AKT3: variants seen among roughly 807,000 people sequenced by gnomAD.
AKT3 encodes the protein RAC-gamma serine/threonine-protein kinase.
AKT3 carries 15 observed loss-of-function variants against 65.3 expected under a neutral mutation model. The ratio of observed to expected loss-of-function variants is 0.23; its 90% CI spans 0.15 to 0.35. AKT3 has a LOEUF of 0.35. Among genes scored for constraint, AKT3 ranks in the 10% least tolerant of loss-of-function variants. The probability of loss-of-function intolerance (pLI) is 1.00; values close to 1 mark genes in which losing one functional copy is unlikely to be tolerated. For missense variants in AKT3, 243 were observed against 576.5 expected, an observed-to-expected ratio of 0.42 and a Z score of 5.92; for synonymous variants, 206 against 183.8, an observed-to-expected ratio of 1.12 and a Z score of -0.98.
At chr1:243,564,068 G>C (rs534143677) in intron 9 of AKT3, among the ~76,000 whole-genome samples, 2 of 152,198 alleles carry the variant, frequency 1.3e-5, no homozygotes, top group East Asian at 3.9e-4. Flanking sequence ...TTTTTAAACC[G>C]ATGGGAATAA....
chr1:243,621,258 C>T (rs1399175122), intron 6 of AKT3, among the ~76,000 whole-genome samples: 1 of 152,174 alleles, frequency 6.6e-6, no homozygotes, highest in Admixed American at 6.5e-5. Context: ...CTCGTTCACA[C>T]TTTCAAAATG....
intron 2 of AKT3, among the ~76,000 whole-genome samples, chr1:243,709,205 T>C (rs1460160737): frequency 6.7e-6 from 1 of 148,820 alleles, no homozygotes; most frequent in Non-Finnish European, 1.5e-5. Context: ...GAGTTTTACA[T>C]ACAAGTTAAT....
chr1:243,825,350 A>C (rs894051571), intron 2 of AKT3, among the ~76,000 whole-genome samples: 1 of 152,224 alleles, frequency 6.6e-6, no homozygotes, highest in Non-Finnish European at 1.5e-5. Context: ...ACCATGGCAC[A>C]CGTTTACCTA....
intron 2 of AKT3, among the ~76,000 whole-genome samples, chr1:243,812,112 G>A (rs933214133): frequency 6.6e-6 from 1 of 152,160 alleles, no homozygotes; most frequent in African/African-American, 2.4e-5. Flanking sequence ...ATAGGCACGG[G>A]CAAGGACTTC....
Position 243,594,748 on chromosome 1 carries a change from A to G in AKT3, c.696+18923T>C, listed in dbSNP as rs116112183. On this transcript the variant is annotated intron_variant, in intron 8 of 13. Coordinates refer to ENST00000673466, the MANE Select transcript of AKT3 (RefSeq NM_005465.7). The stretch of plus-strand genomic sequence containing the variant: ...ACCACCAGTCCAGGCTAATTTTTTA[A>G]ATTTTTTATTTTGTAGAGACAGGGT... 6.5e-3 allele frequency among the ~76,000 whole-genome samples: 987 copies of G among 151,992 alleles called. 9 individuals are homozygous for G. The highest frequency in any genetic ancestry group is 0.023 in the African/African-American group (935 of 41,446).
At chr1:243,719,946 T>A (rs1686771661) in intron 2 of AKT3, among the ~76,000 whole-genome samples, 1 of 152,228 alleles carries the variant, frequency 6.6e-6, no homozygotes, top group Non-Finnish European at 1.5e-5. Context: ...GAACATCTCT[T>A]GTATGTTCTT....
intron 13 of AKT3, among the ~76,000 whole-genome samples, chr1:243,508,823 G>C (rs9803993): frequency 2.6e-5 from 4 of 151,690 alleles, no homozygotes; most frequent in African/African-American, 9.7e-5. Flanking sequence ...GCACCACCAC[G>C]TCTGGCTAAT....
chr1:243,553,452 G>A (rs1466746424), intron 10 of AKT3, among the ~76,000 whole-genome samples: 1 of 152,136 alleles, frequency 6.6e-6, no homozygotes, highest in East Asian at 1.9e-4. Context: ...AGTCTACAGG[G>A]CAAGACAACC....
downstream of AKT3, among the ~76,000 whole-genome samples, chr1:243,499,471 T>G (rs10927029): frequency 6.6e-6 from 1 of 152,148 alleles, no homozygotes; most frequent in East Asian, 1.9e-4. Flanking sequence ...TCTCTGGCCA[T>G]GTCCTAACAC....
At chr1:243,527,772 G>A (rs760588257) in intron 12 of AKT3, among the ~76,000 whole-genome samples, 4 of 148,968 alleles carry the variant, frequency 2.7e-5, no homozygotes, top group Non-Finnish European at 5.9e-5. Context: ...CCAGCTATTC[G>A]GGAGGATCCC....
At chr1:243,563,177 A>C (rs1673914729) in intron 10 of AKT3, among the ~76,000 whole-genome samples, 1 of 152,216 alleles carries the variant, frequency 6.6e-6, no homozygotes, top group Admixed American at 6.5e-5. Context: ...CAGATACACA[A>C]TAAATATTTG....
intron 2 of AKT3, among the ~76,000 whole-genome samples, chr1:243,713,684 CT>C (rs1686298460): frequency 7.6e-6 from 1 of 131,794 alleles, no homozygotes; most frequent in Non-Finnish European, 1.6e-5. Context: ...ATAATAACTT[CT>C]TTGTGCTTCC....
chr1:243,740,660 G>C (rs561410374), intron 2 of AKT3: 1 of 152,212 alleles, frequency 6.6e-6, no homozygotes, highest in Non-Finnish European at 1.5e-5. Flanking sequence ...AGCTACAATT[G>C]CAACAAAAAC....
At chr1:243,608,233 AT>A (rs1193288776) in intron 8 of AKT3, among the ~76,000 whole-genome samples, 5 of 152,288 alleles carry the variant, frequency 3.3e-5, no homozygotes, top group South Asian at 4.1e-4. Flanking sequence ...CCATTGTGCT[AT>A]CCATCATTGA....
intron 2 of AKT3, among the ~76,000 whole-genome samples, chr1:243,810,607 G>A (rs1334647008): frequency 1.3e-5 from 2 of 152,158 alleles, no homozygotes; most frequent in Non-Finnish European, 2.9e-5. Context: ...ACAAGGAAGA[G>A]CTGGCACCAT....
chr1:243,784,168 G>A (rs185317213), intron 2 of AKT3, among the ~76,000 whole-genome samples: 35 of 152,318 alleles, frequency 2.3e-4, no homozygotes, highest in Admixed American at 8.5e-4. Context: ...AAGACTCTCT[G>A]AGAAGACACC....
At chr1:243,848,305 AC>A (rs1695602621) in intron 1 of AKT3, among the ~76,000 whole-genome samples, 1 of 152,232 alleles carries the variant, frequency 6.6e-6, no homozygotes, top group African/African-American at 2.4e-5. Flanking sequence ...GAAAACAATT[AC>A]AGTCCGGATA....
intron 6 of AKT3, among the ~76,000 whole-genome samples, chr1:243,621,623 G>A (rs910307913): frequency 6.6e-6 from 1 of 152,084 alleles, no homozygotes; most frequent in Non-Finnish European, 1.5e-5. Context: ...ATGCCTATTT[G>A]GCATGGATGT....
At chr1:243,720,440 A>AG in intron 2 of AKT3, among the ~76,000 whole-genome samples, 1 of 151,206 alleles carries the variant, frequency 6.6e-6, no homozygotes, top group African/African-American at 2.4e-5. Context: ...AAAAAAAAAA[A>AG]AAAAAAAAAA....
Sources: gnomAD v4.1 joint callset for allele counts (sites outside exome capture counted in the v4.1 genomes callset) on GRCh38, gnomAD v4.1.1 for gene constraint, MANE v1.5 for transcripts, NCBI Gene and HGNC (gene_info 2026-07-23, HGNC 2026-07-21) for gene names.